The following LBR variants were observed in gnomAD, a reference collection of about 807,000 sequenced individuals.
LBR encodes the protein lamin B receptor, also known as delta(14)-sterol reductase LBR.
Under a neutral mutation model 74.3 loss-of-function variants are expected in LBR, and 28 were observed. The ratio of observed to expected loss-of-function variants is 0.38; its 90% CI spans 0.28 to 0.52. The LOEUF (loss-of-function observed/expected upper bound fraction) is 0.52. Among genes scored for constraint, LBR ranks in the 20% least tolerant of loss-of-function variants. The probability of loss-of-function intolerance (pLI) is 0.89; values close to 1 mark genes in which losing one functional copy is unlikely to be tolerated. For missense variants in LBR, 717 were observed against 760.3 expected, an observed-to-expected ratio of 0.94 and a Z score of 0.67; for synonymous variants, 228 against 269.3, an observed-to-expected ratio of 0.85 and a Z score of 1.50.
intron 1 of LBR, 69 bp downstream of exon 1, chr1:225,427,885 C>G (rs922361441): frequency 3.3e-5 from 5 of 152,226 alleles, no homozygotes; most frequent in African/African-American, 1.2e-4. Flanking sequence ...CTCGGGCTTC[C>G]TCCCCCAGCG....
chr1:225,410,318 G>C lies in LBR; in HGVS notation c.1287C>G (p.Leu429=), dbSNP rs770438975. 15 of 1,614,016 alleles carry C rather than the reference G, an allele frequency of 9.3e-6. 1 individual carries two copies. The highest frequency in any genetic ancestry group is 2.2e-5 in the East Asian group (1 of 44,898). The change falls in exon 10 of 14, where the codon CTC becomes CTG. Residue 429 remains leucine, a synonymous_variant. Coordinates refer to ENST00000272163, the MANE Select transcript of LBR (RefSeq NM_002296.4). ...CATTCCAGAGAGCATCCACCACATAGAGAAGCTGGAAACTATTAACTAAAA... is the reference window on the plus strand; with the variant it reads ...CATTCCAGAGAGCATCCACCACATACAGAAGCTGGAAACTATTAACTAAAA... ...AMILVNSFQL[L]YVVDALWNEE... is the part of the protein sequence containing the mutation.
intron 7 of LBR, among the ~76,000 whole-genome samples, chr1:225,413,567 T>C (rs1193451223): frequency 6.6e-6 from 1 of 152,244 alleles, no homozygotes; most frequent in Non-Finnish European, 1.5e-5. Flanking sequence ...TGTCTCAAAT[T>C]ATCTGAATCC....
chr1:225,410,618 C>T (rs1164573940), intron 9 of LBR, among the ~76,000 whole-genome samples: 2 of 152,188 alleles, frequency 1.3e-5, no homozygotes, highest in African/African-American at 4.8e-5. Context: ...TTTCTGTGTT[C>T]CTGTCACAGT....
intron 3 of LBR, among the ~76,000 whole-genome samples, chr1:225,420,084 G>A (rs553745975): frequency 6.6e-6 from 1 of 152,158 alleles, no homozygotes; most frequent in Admixed American, 6.5e-5. Context: ...AAGGCGGGTG[G>A]ATCACCTGAG....
intron 6 of LBR, among the ~76,000 whole-genome samples, chr1:225,416,232 A>C (rs1243382089): frequency 1.3e-5 from 2 of 151,180 alleles, no homozygotes; most frequent in African/African-American, 4.9e-5. Flanking sequence ...AGAGAGAGAG[A>C]CTGTGAGCAC....
chr1:225,419,195 G>A, intron 5 of LBR, 68 bp downstream of exon 5: 2 of 1,473,784 alleles, frequency 1.4e-6, no homozygotes, highest in Non-Finnish European at 1.9e-6. Flanking sequence ...GGCCTTTCCA[G>A]TTCACCTTGT....
chr1:225,420,168 C>A (rs543429923), intron 3 of LBR, among the ~76,000 whole-genome samples: 1 of 151,930 alleles, frequency 6.6e-6, no homozygotes, highest in Non-Finnish European at 1.5e-5. Context: ...AAATTAGCCA[C>A]GCACGGTAGC....
rs529343581 is a variant in LBR, at chr1:225,422,395, C to T, written c.166-118G>A. 65 of 811,958 alleles carry T rather than the reference C, an allele frequency of 8.0e-5. No individual in the cohort carries two copies. In the Middle Eastern group the frequency reaches 1.0e-3, roughly 13 times the overall value. 50.3% of individuals were successfully genotyped at this position (811,958 alleles called of 1,614,324 possible). A position where few individuals can be genotyped will look rare whatever the true frequency, so the allele number is the denominator to read the frequency against. On this transcript the variant is annotated intron_variant, in intron 2 of 13. Transcript: ENST00000272163. Reference sequence around the variant, plus strand: ...GCTACCATTAACTCTAAAATCAGCACGGGAAATGTTAGGATCTGAGAATGG... The same window carrying T: ...GCTACCATTAACTCTAAAATCAGCATGGGAAATGTTAGGATCTGAGAATGG...
chr1:225,420,685 G>C lies in LBR; in HGVS notation c.367-887C>G, dbSNP rs546531358. On this transcript the variant is annotated intron_variant, in intron 3 of 13. Coordinates refer to ENST00000272163, the MANE Select transcript of LBR (RefSeq NM_002296.4). ...ACACAGCATCTGTTCCTGGAGTCCC[G>C]GGGTGGTAAAGAGAGCCACTAATAG... 3.9e-5 allele frequency among the ~76,000 whole-genome samples: 6 copies of C among 151,976 alleles called. No homozygotes were observed. In the South Asian group the frequency reaches 8.3e-4, roughly 21 times the overall value.
At position 225,410,589 on chromosome 1, in the gene LBR, GAGA is replaced by G. The variant is rs529792141; in HGVS notation, c.1189-176_1189-174del. ...CATGGGCCCCTGGACCCAATGCACT[GAGA>G]AGGACACAGCTATCATTTCTGTGTT... On this transcript the variant is annotated intron_variant, in intron 9 of 13. Coordinates refer to ENST00000272163, the MANE Select transcript of LBR (RefSeq NM_002296.4). 6.6e-5 allele frequency among the ~76,000 whole-genome samples: 10 copies of G among 152,310 alleles called. No individual in the cohort carries two copies. In the East Asian group the frequency reaches 1.9e-3, roughly 29 times the overall value.
At chr1:225,414,067 C>G in intron 7 of LBR, 1 of 456,762 alleles carries the variant, frequency 2.2e-6, no homozygotes, top group South Asian at 1.5e-5. Flanking sequence ...GTAAGTGAAC[C>G]ACCAGAGGGA....
chr1:225,424,026 G>A lies in LBR; in HGVS notation c.50C>T (p.Pro17Leu). The change falls in exon 2 of 14, where the codon CCT (proline) becomes CTT (leucine). Residue 17 changes from proline (P) to leucine (L), a missense_variant. Coordinates refer to ENST00000272163, the MANE Select transcript of LBR (RefSeq NM_002296.4). The stretch of plus-strand genomic sequence containing the variant: ...TACTTCATAATAAAGTGAACTCCCA[G>A]GCCATCGACCTCTTACCACTTCACC... ...ADGEVVRGRWPGSSLYYEVEI... is the reference protein window; with the variant it reads ...ADGEVVRGRWLGSSLYYEVEI... 1 of 1,614,046 alleles carries A rather than the reference G, an allele frequency of 6.2e-7. No homozygotes were observed. The highest frequency in any genetic ancestry group is 1.1e-5 in the South Asian group (1 of 91,086).
chr1:225,425,111 T>C (rs1281645599), intron 1 of LBR, among the ~76,000 whole-genome samples: 1 of 152,058 alleles, frequency 6.6e-6, no homozygotes, highest in Admixed American at 6.6e-5. Flanking sequence ...CATTCCTCAC[T>C]GGCTCCTGTT....
rs772304624 is a variant in LBR at position 225,403,303 on chromosome 1, T to C, written c.1848A>G (p.Ter616=). 2 of 1,613,628 alleles carry C rather than the reference T, an allele frequency of 1.2e-6. No individual in the cohort carries two copies. Among genetic ancestry groups the C allele is most frequent in the South Asian group, 1.1e-5 (1 of 91,080 alleles). The change falls in exon 14 of 14, where the codon TAA becomes TAG. Residue 616 remains the stop codon, a stop_retained_variant. Transcript: ENST00000272163. ...VPYRIFPYIY[*] ...ATTTTGTAGAAAAGCCAGAAGAGCA[T>C]TAGTAGATGTATGGAAATATACGGT...
chr1:225,417,679 T>G (rs553699795), intron 6 of LBR: 2 of 279,158 alleles, frequency 7.2e-6, no homozygotes, highest in South Asian at 1.0e-4. Context: ...TCTTTTCTAT[T>G]TGGTTTGAAA....
chr1:225,421,158 G>A (rs141745133), intron 3 of LBR, among the ~76,000 whole-genome samples: 239 of 152,288 alleles, frequency 1.6e-3, no homozygotes, highest in African/African-American at 5.3e-3. Flanking sequence ...TCTTAAAGCT[G>A]ACTACTGAGC....
At chr1:225,418,848 G>A (rs2096122307) in intron 5 of LBR, among the ~76,000 whole-genome samples, 1 of 152,140 alleles carries the variant, frequency 6.6e-6, no homozygotes, top group African/African-American at 2.4e-5. Context: ...GCAGCCTCCG[G>A]GATCCCATTT....
intron 10 of LBR, among the ~76,000 whole-genome samples, chr1:225,408,465 A>G (rs546405848): frequency 1.4e-4 from 21 of 152,312 alleles, no homozygotes; most frequent in Admixed American, 3.9e-4. Flanking sequence ...GGAGGACCTT[A>G]GCCCCACCAG....
At chr1:225,413,844 A>G (rs2096111288) in intron 7 of LBR, 1 of 396,790 alleles carries the variant, frequency 2.5e-6, no homozygotes, top group Admixed American at 3.1e-5. Context: ...CAACTTGGCC[A>G]GCCACTCCCC....
Sources: gnomAD v4.1 joint callset for allele counts (sites outside exome capture counted in the v4.1 genomes callset) on GRCh38, gnomAD v4.1.1 for gene constraint, MANE v1.5 for transcripts, NCBI Gene and HGNC (gene_info 2026-07-23, HGNC 2026-07-21) for gene names.